CSMD1: variants seen among roughly 807,000 people sequenced by gnomAD.
The protein encoded by CSMD1 is CUB and sushi domain-containing protein 1.
Under a neutral mutation model 417.5 loss-of-function variants are expected in CSMD1, and 213 were observed. That is an observed-to-expected ratio of 0.51 (90% confidence interval 0.46 to 0.57). The LOEUF (loss-of-function observed/expected upper bound fraction) is 0.57, where lower values mean the gene tolerates loss of function less well. Ranked by LOEUF, CSMD1 falls within the 20% of genes least tolerant of loss-of-function variation. The pLI is 0.00. For synonymous variants in CSMD1, 2,862 were observed against 1,736.8 expected (o/e 1.65, Z -16.11); for missense variants, 6,923 against 4,529.7 (o/e 1.53, Z -15.17).
At chr8:3,754,356 C>G (rs1797535330) in intron 5 of CSMD1, among the ~76,000 whole-genome samples, 1 of 151,938 alleles carries the variant, frequency 6.6e-6, no homozygotes, top group Non-Finnish European at 1.5e-5. Flanking sequence ...ATCTTAATCA[C>G]AATGAATCAG....
intron 1 of CSMD1, among the ~76,000 whole-genome samples, chr8:4,646,506 T>G (rs1803524265): frequency 6.6e-6 from 1 of 152,160 alleles, no homozygotes; most frequent in South Asian, 2.1e-4. Flanking sequence ...ATTGGGATAC[T>G]ATAGGATGGA....
intron 29 of CSMD1, among the ~76,000 whole-genome samples, chr8:3,218,283 C>A (rs186840427): frequency 1.3e-5 from 2 of 152,026 alleles, no homozygotes; most frequent in African/African-American, 2.4e-5. Context: ...AGTTATTGGC[C>A]GGGCGCGGTG....
At position 2,954,213 on chromosome 8, in the gene CSMD1, G is replaced by A. The variant is rs773726467; in HGVS notation, c.10039+11C>T. The A allele has an allele frequency of 2.0e-6, 3 of 1,463,726 alleles. No homozygotes were observed. The highest frequency in any genetic ancestry group is 2.8e-6 in the Non-Finnish European group (3 of 1,074,372). 90.7% of individuals were successfully genotyped at this position (1,463,726 alleles called of 1,614,324 possible). Reference sequence around the variant, plus strand: ...TTGGATTGAAATCTAGAACTGTTCTGGTATACAAACCTGGAGTTTTAGTAA... The same window carrying A: ...TTGGATTGAAATCTAGAACTGTTCTAGTATACAAACCTGGAGTTTTAGTAA... On this transcript the variant is annotated intron_variant, in intron 65 of 69. Coordinates refer to ENST00000635120, the MANE Select transcript of CSMD1 (RefSeq NM_033225.6).
intron 29 of CSMD1, among the ~76,000 whole-genome samples, chr8:3,217,393 T>C (rs760424950): frequency 6.6e-6 from 1 of 152,236 alleles, no homozygotes; most frequent in South Asian, 2.1e-4. Context: ...AGGCCCTTCA[T>C]ACTTCATTCA....
intron 1 of CSMD1, among the ~76,000 whole-genome samples, chr8:4,763,760 G>A (rs1484995615): frequency 6.6e-6 from 1 of 152,164 alleles, no homozygotes; most frequent in Non-Finnish European, 1.5e-5. Flanking sequence ...AAGAGGCAGG[G>A]CAGTCGTTTC....
chr8:4,214,252 G>T (rs1159348830), intron 3 of CSMD1, among the ~76,000 whole-genome samples: 2 of 152,144 alleles, frequency 1.3e-5, no homozygotes, highest in South Asian at 4.1e-4. Context: ...TGAAATGTTT[G>T]AGACTTTTAC....
At chr8:4,071,114 T>A (rs139580365) in intron 3 of CSMD1, among the ~76,000 whole-genome samples, 2 of 151,990 alleles carry the variant, frequency 1.3e-5, no homozygotes, top group Non-Finnish European at 2.9e-5. Context: ...GACTCTTGAG[T>A]CTTTTTTTTT....
intron 4 of CSMD1, among the ~76,000 whole-genome samples, chr8:4,009,769 G>A (rs1446350795): frequency 8.6e-5 from 13 of 151,998 alleles, no homozygotes; most frequent in Non-Finnish European, 1.6e-4. Context: ...CAGAATGAAA[G>A]GAACCCAGAG....
chr8:4,329,652 G>A (rs1008094268), intron 3 of CSMD1, among the ~76,000 whole-genome samples: 2 of 152,004 alleles, frequency 1.3e-5, no homozygotes, highest in African/African-American at 4.8e-5. Context: ...GATATCGTTT[G>A]GATCTGTATC....
rs1439393448 is a variant in CSMD1 at position 4,157,727 on chromosome 8, G to A, written c.416-125628C>T. The stretch of plus-strand genomic sequence containing the variant: ...GGTCTGCACAGTTGTCCCTCTGGCC[G>A]TCCTTTTCCTAGGAGTCAGGGCCAG... On this transcript the variant is annotated intron_variant, in intron 3 of 69. Coordinates refer to ENST00000635120, the MANE Select transcript of CSMD1 (RefSeq NM_033225.6). Among the ~76,000 whole-genome samples the A allele has an allele frequency of 4.6e-5, 7 of 152,324 alleles. No individual in the cohort carries two copies. In the East Asian group the frequency reaches 7.7e-4, roughly 17 times the overall value.
chr8:3,832,842 T>C (rs900956164), intron 5 of CSMD1, among the ~76,000 whole-genome samples: 14 of 152,212 alleles, frequency 9.2e-5, no homozygotes, highest in Middle Eastern at 3.2e-3. Context: ...TGTATGGTTA[T>C]AGAAACACGT....
In CSMD1 at chr8:4,366,254, C is replaced by T. The variant is rs912608756; in HGVS notation, c.415+53699G>A. ...CCATGTAGCTGCAAAAGACGTGATT[C>T]TTTTTTTTTTCTGTTTTATGGCTGC... On this transcript the variant is annotated intron_variant, in intron 3 of 69. Transcript: ENST00000635120. Among the ~76,000 whole-genome samples, 6 of 150,678 alleles carry T rather than the reference C, an allele frequency of 4.0e-5. No individual in the cohort carries two copies. The South Asian group carries it at 1.3e-3, about 32-fold the overall frequency.
intron 1 of CSMD1, among the ~76,000 whole-genome samples, chr8:4,761,051 C>T (rs919151238): frequency 3.3e-5 from 5 of 151,852 alleles, no homozygotes; most frequent in Non-Finnish European, 7.4e-5. Context: ...TATCTCGGAG[C>T]CCAGAGTGAT....
intron 5 of CSMD1, among the ~76,000 whole-genome samples, chr8:3,797,201 A>C (rs1186101442): frequency 2.0e-5 from 3 of 151,910 alleles, no homozygotes; most frequent in Non-Finnish European, 4.4e-5. Context: ...AAGAACTTCA[A>C]TCTGAAATAT....
chr8:3,287,839 G>A (rs7006102), intron 25 of CSMD1, among the ~76,000 whole-genome samples: 7,840 of 145,798 alleles, frequency 0.054, 736 homozygotes, highest in African/African-American at 0.19. Flanking sequence ...CCAACACTAT[G>A]TTGAATAGGA....
chr8:4,081,636 G>T (rs186144285), intron 3 of CSMD1, among the ~76,000 whole-genome samples: 1 of 152,120 alleles, frequency 6.6e-6, no homozygotes, highest in Non-Finnish European at 1.5e-5. Flanking sequence ...ATGGAGATAT[G>T]GACTAAAATA....
intron 52 of CSMD1, among the ~76,000 whole-genome samples, chr8:3,008,517 T>C (rs964191421): frequency 6.6e-6 from 1 of 152,220 alleles, no homozygotes. Flanking sequence ...GTGTAAGTTA[T>C]AAAACACCTT....
chr8:4,490,291 C>T (rs764826363), intron 2 of CSMD1, among the ~76,000 whole-genome samples: 8 of 152,138 alleles, frequency 5.3e-5, no homozygotes, highest in African/African-American at 1.4e-4. Flanking sequence ...CCACTCTCTT[C>T]GGCCTCCCAA....
chr8:4,792,591 A>G (rs1475034211), intron 1 of CSMD1, among the ~76,000 whole-genome samples: 1 of 152,122 alleles, frequency 6.6e-6, no homozygotes, highest in Non-Finnish European at 1.5e-5. Context: ...CATGCAAGAA[A>G]CTGTTGAATA....
Sources: gnomAD v4.1 joint callset for allele counts (sites outside exome capture counted in the v4.1 genomes callset) on GRCh38, gnomAD v4.1.1 for gene constraint, MANE v1.5 for transcripts, NCBI Gene and HGNC (gene_info 2026-07-23, HGNC 2026-07-21) for gene names.